Variants in KCNH5 observed in about 807,000 individuals in gnomAD.
KCNH5 encodes the protein voltage-gated delayed rectifier potassium channel KCNH5.
KCNH5 carries 46 observed loss-of-function variants against 96.1 expected under a neutral mutation model. That is an observed-to-expected ratio of 0.48 (90% CI 0.38 to 0.61). KCNH5 has a LOEUF of 0.61. Among genes scored for constraint, KCNH5 ranks in the 20% least tolerant of loss-of-function variants. KCNH5 has a pLI of 0.00. For synonymous variants in KCNH5, 439 were observed against 449.8 expected (o/e 0.98, Z 0.30); for missense variants, 907 against 1,225.8 (o/e 0.74, Z 3.88).
intron 1 of KCNH5, among the ~76,000 whole-genome samples, chr14:63,040,007 GGTGAACAGC>G (rs1891793105): frequency 6.6e-6 from 1 of 152,002 alleles, no homozygotes; most frequent in Admixed American, 6.6e-5. Flanking sequence ...ACAGTACTTT[GGTGAACAGC>G]ACAACCTTTT....
intron 9 of KCNH5, among the ~76,000 whole-genome samples, chr14:62,799,936 C>T (rs2139997609): frequency 6.8e-6 from 1 of 145,986 alleles, no homozygotes; most frequent in African/African-American, 2.5e-5. Flanking sequence ...CAAAATTAAA[C>T]TATCAAAAAT....
chr14:63,001,861 A>G (rs1260517006), intron 3 of KCNH5, among the ~76,000 whole-genome samples: 3 of 152,146 alleles, frequency 2.0e-5, no homozygotes, highest in Non-Finnish European at 2.9e-5. Flanking sequence ...TTCTCTCGTC[A>G]TGTCACTTTG....
intron 10 of KCNH5, 74 bp from the exon 11 acceptor site, chr14:62,708,529 T>C (rs1186167528): frequency 2.2e-6 from 2 of 907,450 alleles, no homozygotes; most frequent in Non-Finnish European, 3.3e-6. Context: ...TACTATGCTG[T>C]ATGTGCTTTG....
Position 62,849,706 on chromosome 14 carries a change from T to C in KCNH5, c.1516A>G (p.Met506Val). 6.2e-7 allele frequency: 1 copy of C among 1,613,912 alleles called. No homozygotes were observed. Among genetic ancestry groups the C allele is most frequent in the Non-Finnish European group, 8.5e-7 (1 of 1,179,854 alleles). The change falls in exon 8 of 11, where the codon ATG becomes GTG. Residue 506 changes from methionine to valine, a missense_variant. By Grantham distance (21) the Met-to-Val change is conservative. Transcript: ENST00000322893. ...QVPKGLSERV[M>V]DYIVSTWSMS... ...GACCATGTTGAGACAATATAATCCATGACTCGCTCACTAAGGCCTTTTGGG... is the reference window on the plus strand; with the variant it reads ...GACCATGTTGAGACAATATAATCCACGACTCGCTCACTAAGGCCTTTTGGG...
At chr14:63,029,329 C>T (rs1316916) in intron 1 of KCNH5, among the ~76,000 whole-genome samples, 41,205 of 152,002 alleles carry the variant, frequency 0.27, 6,502 homozygotes, top group East Asian at 0.57. Context: ...CTGGTGAGTT[C>T]CAATTAGGCT....
intron 10 of KCNH5, among the ~76,000 whole-genome samples, chr14:62,776,736 G>C (rs1886105724): frequency 6.6e-6 from 1 of 152,200 alleles, no homozygotes; most frequent in Non-Finnish European, 1.5e-5. Flanking sequence ...TCTAGTTATA[G>C]CTCTAGAATT....
rs143595405 is a variant in KCNH5, at chr14:62,735,872, T to C, written c.2020-27417A>G. Among the ~76,000 whole-genome samples, 114 of 152,318 alleles carry C rather than the reference T, an allele frequency of 7.5e-4. 1 individual carries two copies. The highest frequency in any genetic ancestry group is 2.6e-3 in the African/African-American group (109 of 41,564). ...GAGACAGATAGGAACAGTGGGAAGA[T>C]GACATGAAGACACATAGTGGGGAAA... On this transcript the variant is annotated intron_variant, in intron 10 of 10. Transcript: ENST00000322893.
chr14:62,979,834 C>G (rs112459273), intron 6 of KCNH5, among the ~76,000 whole-genome samples: 7,954 of 152,190 alleles, frequency 0.052, 344 homozygotes, highest in Non-Finnish European at 0.075. Context: ...TTAAGTACTT[C>G]TAGGTGCACT....
chr14:62,715,692 G>A (rs1049854896), intron 10 of KCNH5, among the ~76,000 whole-genome samples: 2 of 151,946 alleles, frequency 1.3e-5, no homozygotes, highest in African/African-American at 4.8e-5. Context: ...GCTCTCCGAG[G>A]GCACAAAATG....
Position 62,950,560 on chromosome 14 carries a change from C to T in KCNH5, c.943-1G>A. The T allele has an allele frequency of 6.7e-7, 1 of 1,499,750 alleles. No homozygotes were observed. The highest frequency in any genetic ancestry group is 8.8e-7 in the Non-Finnish European group (1 of 1,130,734). 92.9% of individuals were successfully genotyped at this position (1,499,750 alleles called of 1,614,324 possible). On this transcript the variant is annotated splice_acceptor_variant, in intron 6 of 10. Coordinates refer to ENST00000322893, the MANE Select transcript of KCNH5 (RefSeq NM_139318.5). LOFTEE classifies it high-confidence loss of function. ...AAGAACTGAAGAGACTGCTGATTCC[C>T]TGGATTTAAAAAAAAAAAAAAAATT...
intron 7 of KCNH5, among the ~76,000 whole-genome samples, chr14:62,874,518 G>A (rs1888328472): frequency 6.6e-6 from 1 of 152,046 alleles, no homozygotes; most frequent in Non-Finnish European, 1.5e-5. Context: ...TCATCCCTGG[G>A]ATGCAAGGCT....
At chr14:62,807,536 T>C (rs1886791743) in intron 8 of KCNH5, among the ~76,000 whole-genome samples, 1 of 152,134 alleles carries the variant, frequency 6.6e-6, no homozygotes, top group Non-Finnish European at 1.5e-5. Flanking sequence ...AGGTCAGATA[T>C]TAAGTTTGCT....
At chr14:63,029,459 T>C (rs1891585901) in intron 1 of KCNH5, among the ~76,000 whole-genome samples, 1 of 152,134 alleles carries the variant, frequency 6.6e-6, no homozygotes, top group South Asian at 2.1e-4. Flanking sequence ...TATAAGCTAT[T>C]ACTATTATGT....
At chr14:62,717,898 ATAAAG>A (rs1884718978) in intron 10 of KCNH5, among the ~76,000 whole-genome samples, 1 of 152,248 alleles carries the variant, frequency 6.6e-6, no homozygotes, top group Admixed American at 6.5e-5. Flanking sequence ...ATCTGGTTGC[ATAAAG>A]TAAAGGTGGT....
chr14:62,995,478 C>T (rs1460788731), intron 4 of KCNH5, among the ~76,000 whole-genome samples: 4 of 152,118 alleles, frequency 2.6e-5, no homozygotes, highest in African/African-American at 9.7e-5. Flanking sequence ...ATTCACTTGA[C>T]CAAATTTCAA....
intron 8 of KCNH5, among the ~76,000 whole-genome samples, chr14:62,845,440 CATAA>C (rs1887671454): frequency 6.6e-6 from 1 of 151,798 alleles, no homozygotes; most frequent in Non-Finnish European, 1.5e-5. Context: ...TTGATATAAA[CATAA>C]ATAGATAGGT....
rs142813655 is a variant in KCNH5, at chr14:62,707,982, G to A, written c.2493C>T (p.Val831=). 1.7e-5 allele frequency: 27 copies of A among 1,614,026 alleles called. No homozygotes were observed. Among genetic ancestry groups the A allele is most frequent in the Non-Finnish European group, 1.9e-5 (23 of 1,180,042 alleles). The stretch of plus-strand genomic sequence containing the variant: ...ATAGCCCCATTGACTCAGCTTTAGT[G>A]ACATTATTCCAGTCTTCCTTTTTCT... ...HEEKKEDWNN[V]TKAESMGLLS... Residue 831 remains valine (V), a synonymous_variant, in exon 11 of 11, where the codon GTC becomes GTT. Coordinates refer to ENST00000322893, the MANE Select transcript of KCNH5 (RefSeq NM_139318.5).
chr14:62,913,409 G>A (rs1477894671), intron 7 of KCNH5, among the ~76,000 whole-genome samples: 2 of 150,250 alleles, frequency 1.3e-5, no homozygotes, highest in African/African-American at 5.0e-5. Context: ...TGTATTTTTA[G>A]TAGAGACGGG....
intron 3 of KCNH5, among the ~76,000 whole-genome samples, chr14:63,002,441 C>G (rs1005950722): frequency 6.6e-6 from 1 of 152,178 alleles, no homozygotes; most frequent in Non-Finnish European, 1.5e-5. Flanking sequence ...AGACACTTTT[C>G]TCATTATATT....
Sources: allele counts gnomAD v4.1 joint callset (sites outside exome capture counted in the v4.1 genomes callset), GRCh38; gene constraint gnomAD v4.1.1; transcripts MANE v1.5; gene names NCBI Gene and HGNC (gene_info 2026-07-23, HGNC 2026-07-21).